Variants in VRK2 observed in about 807,000 individuals in gnomAD.
VRK2 encodes VRK serine/threonine kinase 2, also known as serine/threonine-protein kinase VRK2.
Under a neutral mutation model 57.6 loss-of-function variants are expected in VRK2, and 60 were observed. That is an observed-to-expected ratio of 1.04 (90% CI 0.85 to 1.29). The LOEUF (loss-of-function observed/expected upper bound fraction) is 1.29, where lower values mean the gene tolerates loss of function less well. VRK2 is among the 50% of genes most tolerant of loss of function. VRK2 has a pLI of 0.00. For missense variants in VRK2, 705 were observed against 588.1 expected (o/e 1.20, Z -2.06); for synonymous variants, 231 against 199.2 (o/e 1.16, Z -1.35).
chr2:58,151,731 GTTTTTTTTTT>G (rs60379025), intron 12 of VRK2, among the ~76,000 whole-genome samples: 3 of 16,716 alleles, frequency 1.8e-4, no homozygotes, highest in South Asian at 3.9e-3. Context: ...TTCTATGCTT[GTTTTTTTTTT>G]TTTTTTTTTT....
upstream of VRK2, chr2:58,046,426 C>T (rs550303003): frequency 3.3e-4 from 309 of 939,030 alleles, 3 homozygotes; most frequent in South Asian, 7.3e-3. Flanking sequence ...TCGGCGAGAG[C>T]TCGGTAAGGA....
intron 11 of VRK2, among the ~76,000 whole-genome samples, chr2:58,140,842 G>A (rs1681222272): frequency 6.6e-6 from 1 of 152,012 alleles, no homozygotes; most frequent in Non-Finnish European, 1.5e-5. Context: ...AATGACTGTG[G>A]TATTGACATC....
intron 9 of VRK2, 193 bp downstream of exon 9, chr2:58,132,121 G>A (rs746016568): frequency 1.7e-6 from 1 of 591,034 alleles, no homozygotes; most frequent in Non-Finnish European, 2.7e-6. Context: ...ATTGTAAAAA[G>A]ACATGTATTT....
intron 1 of VRK2, among the ~76,000 whole-genome samples, chr2:57,944,564 G>A (rs1671199196): frequency 2.6e-5 from 4 of 152,072 alleles, no homozygotes; most frequent in South Asian, 4.1e-4. Flanking sequence ...GTGAAACCCC[G>A]TCTCTACTAA....
chr2:58,130,616 T>C (rs1309969121), intron 8 of VRK2, among the ~76,000 whole-genome samples: 1 of 152,226 alleles, frequency 6.6e-6, no homozygotes, highest in East Asian at 1.9e-4. Context: ...TTGGCATCAT[T>C]GTTCTTAGTA....
intron 2 of VRK2, among the ~76,000 whole-genome samples, chr2:58,049,600 A>T (rs1675399849): frequency 6.6e-6 from 1 of 152,208 alleles, no homozygotes; most frequent in Admixed American, 6.5e-5. Flanking sequence ...ACTGAACTTT[A>T]ATGGATCATT....
chr2:57,918,154 T>C (rs1462113804), intron 1 of VRK2, among the ~76,000 whole-genome samples: 1 of 152,126 alleles, frequency 6.6e-6, no homozygotes, highest in East Asian at 1.9e-4. Context: ...CAGGACTATT[T>C]AAATATATTA....
chr2:57,932,549 T>A (rs976146949), intron 1 of VRK2, among the ~76,000 whole-genome samples: 4 of 152,144 alleles, frequency 2.6e-5, no homozygotes, highest in Non-Finnish European at 5.9e-5. Context: ...CATCTCCTCT[T>A]TCATTTCTGA....
At chr2:58,063,240 T>C (rs1677621536) in intron 2 of VRK2, among the ~76,000 whole-genome samples, 3 of 146,912 alleles carry the variant, frequency 2.0e-5, no homozygotes, top group Admixed American at 2.0e-4. Context: ...GTCACAGTTT[T>C]GTTTTTTTTT....
intron 1 of VRK2, among the ~76,000 whole-genome samples, chr2:57,965,212 A>T (rs1253402843): frequency 6.6e-6 from 1 of 152,212 alleles, no homozygotes. Flanking sequence ...GTATTTACAA[A>T]GTCATCTTAA....
chr2:58,110,595 C>G (rs1675408331), intron 7 of VRK2, among the ~76,000 whole-genome samples: 1 of 152,000 alleles, frequency 6.6e-6, no homozygotes, highest in African/African-American at 2.4e-5. Context: ...CCTTGTTTGC[C>G]AAGAATGGGG....
exon 3 of VRK2, chr2:58,033,424 G>C (rs1405169976): frequency 1.3e-5 from 2 of 151,934 alleles, no homozygotes; most frequent in Non-Finnish European, 2.9e-5. Flanking sequence ...GGAAGATGGG[G>C]ACACAAGTCA....
At chr2:58,006,321 G>A (rs1409035687) in intron 1 of VRK2, among the ~76,000 whole-genome samples, 2 of 152,174 alleles carry the variant, frequency 1.3e-5, no homozygotes, top group Non-Finnish European at 2.9e-5. Context: ...GGAAAGTGAA[G>A]AATGGACCAA....
At chr2:58,096,632 G>A (rs1673177749) in intron 7 of VRK2, among the ~76,000 whole-genome samples, 1 of 151,820 alleles carries the variant, frequency 6.6e-6, no homozygotes. Context: ...AAGGTGGCCA[G>A]TAGTAGTCCC....
At chr2:58,012,924 T>G (rs570010105) in intron 1 of VRK2, among the ~76,000 whole-genome samples, 2 of 152,338 alleles carry the variant, frequency 1.3e-5, no homozygotes, top group African/African-American at 4.8e-5. Context: ...AAACTTTCAG[T>G]GTATTTTAGA....
upstream of VRK2, among the ~76,000 whole-genome samples, chr2:58,043,628 C>T (rs1674553892): frequency 6.6e-6 from 1 of 152,084 alleles, no homozygotes; most frequent in African/African-American, 2.4e-5. Flanking sequence ...GTATAATTTG[C>T]TTATTCATTC....
chr2:58,138,550 A>T (rs957069599), intron 10 of VRK2, among the ~76,000 whole-genome samples: 1 of 152,168 alleles, frequency 6.6e-6, no homozygotes, highest in African/African-American at 2.4e-5. Flanking sequence ...GAAAGCGATG[A>T]TGACTATTCC....
At chr2:58,140,123 CA>C (rs766013121) in intron 11 of VRK2, among the ~76,000 whole-genome samples, 8 of 151,968 alleles carry the variant, frequency 5.3e-5, no homozygotes, top group Non-Finnish European at 1.0e-4. Context: ...ATGAGAAAGC[CA>C]TCATTTGCTT....
At chr2:57,927,790 G>A (rs1670588358) in intron 1 of VRK2, among the ~76,000 whole-genome samples, 1 of 152,078 alleles carries the variant, frequency 6.6e-6, no homozygotes, top group Admixed American at 6.6e-5. Context: ...TATATTTGAA[G>A]GATATTTTCA....
Sources: gnomAD v4.1 joint callset for allele counts (sites outside exome capture counted in the v4.1 genomes callset) on GRCh38, gnomAD v4.1.1 for gene constraint, MANE v1.5 for transcripts, NCBI Gene and HGNC (gene_info 2026-07-23, HGNC 2026-07-21) for gene names.